PDGFRL: variants seen among roughly 807,000 people sequenced by gnomAD.
The protein encoded by PDGFRL is platelet derived growth factor receptor like.
In PDGFRL, 46 loss-of-function variants were observed where a neutral mutation model predicts 37.2. That is an observed-to-expected ratio of 1.24 (90% confidence interval 0.98 to 1.58). PDGFRL has a LOEUF of 1.58. PDGFRL is among the 40% of genes most tolerant of loss of function. The probability of loss-of-function intolerance (pLI) is 0.00; values close to 1 mark genes in which losing one functional copy is unlikely to be tolerated. For missense variants in PDGFRL, 692 were observed against 467.6 expected, an observed-to-expected ratio of 1.48 and a Z score of -4.43; for synonymous variants, 251 against 184.3, an observed-to-expected ratio of 1.36 and a Z score of -2.93.
At chr8:17,601,010 G>A (rs1237948152) in intron 2 of PDGFRL, among the ~76,000 whole-genome samples, 1 of 152,050 alleles carries the variant, frequency 6.6e-6, no homozygotes, top group East Asian at 1.9e-4. Context: ...CTGAGCTCAT[G>A]ATCTTTCTCC....
upstream of PDGFRL, chr8:17,576,876 A>C (rs550611694): frequency 1.1e-4 from 29 of 255,664 alleles, no homozygotes; most frequent in African/African-American, 5.9e-4. Flanking sequence ...ACATTTGGAC[A>C]ATCGTGGTTA....
chr8:17,615,125 G>T (rs1804496810), intron 2 of PDGFRL, among the ~76,000 whole-genome samples: 1 of 152,140 alleles, frequency 6.6e-6, no homozygotes, highest in Non-Finnish European at 1.5e-5. Context: ...AAAGTAAAGT[G>T]TCTCTTCCGT....
At chr8:17,581,446 G>C (rs142020497) in intron 1 of PDGFRL, among the ~76,000 whole-genome samples, 1 of 152,226 alleles carries the variant, frequency 6.6e-6, no homozygotes, top group East Asian at 1.9e-4. Flanking sequence ...CCCATAATTT[G>C]ATTTATGTTT....
chr8:17,577,632 G>A (rs1025173442), intron 1 of PDGFRL, among the ~76,000 whole-genome samples: 11 of 151,792 alleles, frequency 7.2e-5, no homozygotes, highest in African/African-American at 2.7e-4. Context: ...TCAACGTGTC[G>A]GTCTGGGAGG....
chr8:17,620,452 C>G (rs375354366), intron 2 of PDGFRL, among the ~76,000 whole-genome samples: 2 of 152,000 alleles, frequency 1.3e-5, no homozygotes, highest in Admixed American at 1.3e-4. Flanking sequence ...CATTTACCTC[C>G]TCCCCTCCTG....
At chr8:17,639,348 A>AT (rs1267947446) in intron 5 of PDGFRL, among the ~76,000 whole-genome samples, 1 of 151,718 alleles carries the variant, frequency 6.6e-6, no homozygotes, top group Non-Finnish European at 1.5e-5. Context: ...TTATTTATTT[A>AT]TTGTGTTTTT....
At chr8:17,587,466 G>C (rs1245326297) in intron 1 of PDGFRL, among the ~76,000 whole-genome samples, 1 of 152,084 alleles carries the variant, frequency 6.6e-6, no homozygotes, top group African/African-American at 2.4e-5. Context: ...TAATCCAGAG[G>C]TTCATTAATT....
intron 5 of PDGFRL, among the ~76,000 whole-genome samples, chr8:17,636,087 T>C (rs1358129796): frequency 1.3e-5 from 2 of 152,222 alleles, no homozygotes; most frequent in Admixed American, 6.5e-5. Context: ...TTCTACTGAT[T>C]ATTTCTTTTG....
At chr8:17,641,550 C>T (rs1227181137) in intron 5 of PDGFRL, among the ~76,000 whole-genome samples, 1 of 152,214 alleles carries the variant, frequency 6.6e-6, no homozygotes, top group African/African-American at 2.4e-5. Flanking sequence ...TGTGAGCAGA[C>T]ATCCACCAAG....
intron 3 of PDGFRL, among the ~76,000 whole-genome samples, chr8:17,622,312 A>G (rs1012698618): frequency 6.6e-6 from 1 of 152,230 alleles, no homozygotes; most frequent in African/African-American, 2.4e-5. Flanking sequence ...GTCGTCCAAG[A>G]CATTTCAGGT....
rs963022642 is a variant in PDGFRL at position 17,611,701 on chromosome 8, G to A, written c.354-9350G>A. On this transcript the variant is annotated intron_variant, in intron 2 of 5. Coordinates refer to ENST00000251630, the MANE Select transcript of PDGFRL (RefSeq NM_001372073.1). ...TGGAATACCAGGCAGAGGTGGTAAC[G>A]TGCAATTCTGTGTGCAATGGGAGAA... 5.3e-5 allele frequency among the ~76,000 whole-genome samples: 8 copies of A among 152,202 alleles called. 1 individual carries two copies. The highest frequency in any genetic ancestry group is 1.2e-4 in the Non-Finnish European group (8 of 68,038).
chr8:17,635,322 T>G (rs1804950462), intron 5 of PDGFRL, among the ~76,000 whole-genome samples: 1 of 151,644 alleles, frequency 6.6e-6, no homozygotes, highest in Admixed American at 6.6e-5. Context: ...CCAAAGTTCA[T>G]TGTGTCATTC....
chr8:17,612,265 G>C (rs75527491), intron 2 of PDGFRL, among the ~76,000 whole-genome samples: 4,752 of 152,304 alleles, frequency 0.031, 263 homozygotes, highest in African/African-American at 0.11. Flanking sequence ...ACGCATTTAT[G>C]CAGTATCTGT....
At chr8:17,636,774 G>A (rs900999253) in intron 5 of PDGFRL, among the ~76,000 whole-genome samples, 5 of 152,212 alleles carry the variant, frequency 3.3e-5, no homozygotes, top group African/African-American at 9.6e-5. Context: ...ATTTGTTTGT[G>A]TCATCTATGA....
intron 4 of PDGFRL, among the ~76,000 whole-genome samples, chr8:17,632,023 C>G (rs527742240): frequency 6.6e-6 from 1 of 152,314 alleles, no homozygotes; most frequent in South Asian, 2.1e-4. Context: ...GCTTCGGGGT[C>G]CTCCATCCTC....
rs551881541 is a variant in PDGFRL, at chr8:17,584,606, A to G, written c.56-4862A>G. Among the ~76,000 whole-genome samples, 7 of 152,216 alleles carry G rather than the reference A, an allele frequency of 4.6e-5. No homozygotes were observed. In the South Asian group the frequency reaches 1.5e-3, roughly 32 times the overall value. ...GCACAGGGTCCTGCGAGCCATGTGA[A>G]TCGAGTTTTTCAAGAAGAGCGTCAT... is the stretch of plus-strand genomic sequence containing the variant. On this transcript the variant is annotated intron_variant, in intron 1 of 5. Transcript: ENST00000251630.
At chr8:17,639,066 C>G (rs993033443) in intron 5 of PDGFRL, among the ~76,000 whole-genome samples, 2 of 151,656 alleles carry the variant, frequency 1.3e-5, no homozygotes, top group African/African-American at 4.8e-5. Context: ...ACAAAACAAA[C>G]AAAAAGAATA....
Position 17,589,513 on chromosome 8 carries a change from G to T in PDGFRL, c.101G>T (p.Gly34Val), listed in dbSNP as rs759283879. 2 of 1,613,968 alleles carry T rather than the reference G, an allele frequency of 1.2e-6. No individual in the cohort carries two copies. Among genetic ancestry groups the T allele is most frequent in the Admixed American group, 3.3e-5 (2 of 60,010 alleles). Residue 34 changes from glycine to valine, a missense_variant, in exon 2 of 6, where the codon GGA becomes GTA. Physicochemically the swap from Gly to Val is moderately radical, Grantham distance 109. Coordinates refer to ENST00000251630, the MANE Select transcript of PDGFRL (RefSeq NM_001372073.1). ...LPKNKRPKEP[G>V]ENRIKPTNKK... ...AAGAACAAGCGTCCAAAAGAACCAG[G>T]AGAGAATAGAATCAAACCTACCAAC...
chr8:17,590,236 CAAAAA>C (rs770779669), intron 2 of PDGFRL, among the ~76,000 whole-genome samples: 69 of 35,618 alleles, frequency 1.9e-3, no homozygotes, highest in East Asian at 3.8e-3. Flanking sequence ...GACTCCATCT[CAAAAA>C]AAAAAAAAAA....
Sources: gnomAD v4.1 joint callset for allele counts (sites outside exome capture counted in the v4.1 genomes callset) on GRCh38, gnomAD v4.1.1 for gene constraint, MANE v1.5 for transcripts, NCBI Gene and HGNC (gene_info 2026-07-23, HGNC 2026-07-21) for gene names.